RCC2: variants seen among roughly 807,000 people sequenced by gnomAD.
RCC2 encodes the protein protein RCC2.
In RCC2, 19 loss-of-function variants were observed where a neutral mutation model predicts 64.1. The ratio of observed to expected loss-of-function variants is 0.30; its 90% CI spans 0.21 to 0.44. The LOEUF (loss-of-function observed/expected upper bound fraction) is 0.44. Among genes scored for constraint, RCC2 ranks in the 20% least tolerant of loss-of-function variants. The pLI is 1.00. For missense variants in RCC2, 508 were observed against 710.4 expected (o/e 0.72, Z 3.24); for synonymous variants, 325 against 279.6 (o/e 1.16, Z -1.62).
chr1:17,418,940 C>T (rs563406011), intron 7 of RCC2, among the ~76,000 whole-genome samples: 1 of 152,280 alleles, frequency 6.6e-6, no homozygotes, highest in African/African-American at 2.4e-5. Context: ...CTTTTTCCAC[C>T]TCCTTTAAAG....
At chr1:17,422,329 T>C in intron 5 of RCC2, 38 bp from the exon 6 acceptor site, 1 of 1,521,468 alleles carries the variant, frequency 6.6e-7, no homozygotes, top group African/African-American at 1.4e-5. Context: ...GGGAAGATAA[T>C]GGTGAATGTT....
intron 3 of RCC2, among the ~76,000 whole-genome samples, chr1:17,427,683 G>A (rs1345848936): frequency 6.6e-6 from 1 of 152,144 alleles, no homozygotes; most frequent in African/African-American, 2.4e-5. Flanking sequence ...GCTTGGCCAA[G>A]GGGAGTCTCA....
At chr1:17,434,082 G>GT (rs2075711718) in intron 2 of RCC2, among the ~76,000 whole-genome samples, 2 of 152,216 alleles carry the variant, frequency 1.3e-5, no homozygotes, top group Non-Finnish European at 2.9e-5. Flanking sequence ...GCTTTAGGAG[G>GT]TTATGAAGTG....
chr1:17,435,467 G>A (rs909866819), intron 2 of RCC2, among the ~76,000 whole-genome samples: 1 of 152,214 alleles, frequency 6.6e-6, no homozygotes, highest in Non-Finnish European at 1.5e-5. Flanking sequence ...CTGTCTGCCT[G>A]TGGCAGCACA....
At chr1:17,429,227 A>C in intron 2 of RCC2, 28 bp from the exon 3 acceptor site, 1 of 1,573,748 alleles carries the variant, frequency 6.4e-7, no homozygotes, top group Non-Finnish European at 8.7e-7. Context: ...GGAAAAAAGA[A>C]TTAGTGTGTA....
At chr1:17,422,602 C>G (rs957595255) in intron 5 of RCC2, 103 bp downstream of exon 5, 2 of 1,451,418 alleles carry the variant, frequency 1.4e-6, no homozygotes, top group African/African-American at 2.8e-5. Flanking sequence ...TGATCCTGAC[C>G]AAGAGTCACA....
intron 4 of RCC2, among the ~76,000 whole-genome samples, chr1:17,423,305 G>A (rs138007854): frequency 6.6e-4 from 100 of 152,300 alleles, no homozygotes; most frequent in African/African-American, 2.4e-3. Context: ...AGGACCATTT[G>A]GTGTCTGCCC....
At chr1:17,414,763 C>G (rs960791692) in intron 8 of RCC2, among the ~76,000 whole-genome samples, 30 of 152,022 alleles carry the variant, frequency 2.0e-4, no homozygotes, top group African/African-American at 7.2e-4. Context: ...TCCCAAGTCG[C>G]TAGGACTTGG....
chr1:17,422,639 AT>A, intron 5 of RCC2, 65 bp downstream of exon 5: 2 of 1,592,092 alleles, frequency 1.3e-6, no homozygotes, highest in East Asian at 4.5e-5. Context: ...CCCACGCCCC[AT>A]CCCCAAGGCA....
chr1:17,431,589 C>T (rs547116101), intron 2 of RCC2, among the ~76,000 whole-genome samples: 11 of 150,912 alleles, frequency 7.3e-5, no homozygotes, highest in African/African-American at 2.7e-4. Flanking sequence ...TGTGATCACC[C>T]CATGGGTATG....
chr1:17,413,117 T>C lies in RCC2; in HGVS notation c.1269A>G (p.Ala423=). Residue 423 remains alanine (A), a synonymous_variant, in exon 10 of 13, where the codon GCA becomes GCG. Transcript: ENST00000375436. ...TTCTCCAGCCGCAGAGGTCCTGCAC[T>C]GCTTTTGGGTACATGGTAGATTCAC... ...TSRESTMYPK[A]VQDLCGWRIR... is the part of the protein sequence containing the mutation. 1.2e-6 allele frequency: 2 copies of C among 1,614,164 alleles called. No homozygotes were observed. The highest frequency in any genetic ancestry group is 2.2e-5 in the South Asian group (2 of 91,074).
intron 6 of RCC2, among the ~76,000 whole-genome samples, chr1:17,421,857 C>T (rs911190872): frequency 4.6e-5 from 7 of 152,044 alleles, no homozygotes; most frequent in South Asian, 2.1e-4. Flanking sequence ...GAAACCCCGT[C>T]TCTACTAAAA....
Position 17,439,627 on chromosome 1 carries a change from C to G in RCC2, c.-91G>C, listed in dbSNP as rs1435334444. The G allele has an allele frequency of 6.7e-6, 1 of 149,768 alleles. No individual in the cohort carries two copies. The highest frequency in any genetic ancestry group is 2.4e-5 in the African/African-American group (1 of 41,112). 9.3% of individuals were successfully genotyped at this position (149,768 alleles called of 1,614,324 possible). ...GATCGGAGGGCTTTTTTTTTTCCGG[C>G]CCAGACGAGGGCTCCAGCCCACTCA... On this transcript the variant is annotated 5_prime_UTR_variant, in exon 1 of 13. Coordinates refer to ENST00000375436, the MANE Select transcript of RCC2 (RefSeq NM_018715.4).
rs541019519 is a variant in RCC2 at position 17,424,296 on chromosome 1, A to G, written c.523+1245T>C. ...GGGGATCACACGTCTTGATGGCGGGACATACATTGTCCCTGCCCACAGGGT... is the reference window on the plus strand; with the variant it reads ...GGGGATCACACGTCTTGATGGCGGGGCATACATTGTCCCTGCCCACAGGGT... On this transcript the variant is annotated intron_variant, in intron 4 of 12. Transcript: ENST00000375436. Among the ~76,000 whole-genome samples, 18 of 152,300 alleles carry G rather than the reference A, an allele frequency of 1.2e-4. No individual in the cohort carries two copies. The South Asian group carries it at 2.5e-3, about 21-fold the overall frequency.
chr1:17,416,177 T>C (rs2075482482), intron 8 of RCC2, among the ~76,000 whole-genome samples: 1 of 151,866 alleles, frequency 6.6e-6, no homozygotes, highest in South Asian at 2.1e-4. Context: ...TGTGATGTTA[T>C]GTTAGATAAA....
At position 17,431,333 on chromosome 1, in the gene RCC2, CAA is replaced by C. The variant is rs1168877538; in HGVS notation, c.286-2136_286-2135del. Among the ~76,000 whole-genome samples the C allele has an allele frequency of 1.4e-3, 14 of 9,664 alleles. No homozygotes were observed. The East Asian group carries it at 0.025, about 17-fold the overall frequency. The allele number at this position is 9,664 out of a possible 152,430, so 6.3% of individuals were successfully genotyped here. A position where few individuals can be genotyped will look rare whatever the true frequency, so the allele number is the denominator to read the frequency against. On this transcript the variant is annotated intron_variant, in intron 2 of 12. Coordinates refer to ENST00000375436, the MANE Select transcript of RCC2 (RefSeq NM_018715.4). ...TGGGCGACTGAGCAAGACTCCATCT[CAA>C]AAAAAAAAAAAAAAAAAAAAAAAAA...
In RCC2 at chr1:17,439,648, A is replaced by T. The variant is rs1282036163; in HGVS notation, c.-112T>A. On this transcript the variant is annotated 5_prime_UTR_variant, in exon 1 of 13. Transcript: ENST00000375436. ...CCGGCCCAGACGAGGGCTCCAGCCC[A>T]CTCACCAGATACACTTAAAATGTAA... The T allele has an allele frequency of 6.7e-6, 1 of 149,302 alleles. No individual in the cohort carries two copies. The highest frequency in any genetic ancestry group is 2.4e-5 in the African/African-American group (1 of 40,960). 9.2% of individuals were successfully genotyped at this position (149,302 alleles called of 1,614,324 possible).
Position 17,412,131 on chromosome 1 carries a change from A to G in RCC2, c.1377T>C (p.Phe459=). The G allele has an allele frequency of 6.2e-7, 1 of 1,614,162 alleles. No homozygotes were observed. The highest frequency in any genetic ancestry group is 8.5e-7 in the Non-Finnish European group (1 of 1,180,014). Residue 459 remains phenylalanine (F), a synonymous_variant, in exon 11 of 13, where the codon TTT becomes TTC. Transcript: ENST00000375436. ...STISWGPSPT[F]GELGYGDHKP... is the part of the protein sequence containing the mutation. ...ACAGGTGACAGCTTACCAGTTCCCC[A>G]AAGGTCGGTGACGGACCCCAGCTGA... is the stretch of plus-strand genomic sequence containing the variant.
intron 2 of RCC2, among the ~76,000 whole-genome samples, chr1:17,433,078 G>C (rs1010640602): frequency 1.3e-5 from 2 of 152,284 alleles, no homozygotes; most frequent in South Asian, 4.2e-4. Flanking sequence ...ACGTGTGTAT[G>C]TGTGAAAAAC....
Sources: gnomAD v4.1 joint callset for allele counts (sites outside exome capture counted in the v4.1 genomes callset) on GRCh38, gnomAD v4.1.1 for gene constraint, MANE v1.5 for transcripts, NCBI Gene and HGNC (gene_info 2026-07-23, HGNC 2026-07-21) for gene names.